DLG4: variants seen among roughly 807,000 people sequenced by gnomAD.
The protein encoded by DLG4 is disks large homolog 4.
A neutral mutation model predicts 93.8 loss-of-function variants in DLG4; 7 were observed. The ratio of observed to expected loss-of-function variants is 0.07; its 90% confidence interval spans 0.04 to 0.14. The LOEUF (loss-of-function observed/expected upper bound fraction) is 0.14. Ranked by LOEUF, DLG4 falls within the 10% of genes least tolerant of loss-of-function variation. The pLI, the probability that DLG4 is intolerant of heterozygous loss-of-function variation, is 1.00. For synonymous variants in DLG4, 341 were observed against 387.6 expected, an observed-to-expected ratio of 0.88 and a Z score of 1.41; for missense variants, 545 against 992.9, an observed-to-expected ratio of 0.55 and a Z score of 6.06.
In DLG4 at chr17:7,196,203, C is replaced by T. The variant is rs374622128; in HGVS notation, c.1301+17G>A. 6.9e-6 allele frequency: 11 copies of T among 1,602,114 alleles called. No homozygotes were observed. In the African/African-American group the frequency reaches 1.5e-4, roughly 21 times the overall value. On this transcript the variant is annotated intron_variant, in intron 11 of 19. Coordinates refer to ENST00000399506, the MANE Select transcript of DLG4 (RefSeq NM_001321075.3). The surrounding 1 kb of genome is among the most constrained non-coding windows in gnomAD (Gnocchi z 8.3). ...AACGCAGAGGGGCTGAGGAGTCCAG[C>T]CCGGGAAGCCTCTGACCTGATGTAG...
chr17:7,188,426 C>A lies in DLG4; in HGVS notation c.*2282G>T, dbSNP rs1186528568. Among the ~76,000 whole-genome samples the A allele has an allele frequency of 1.3e-5, 2 of 152,130 alleles. No individual in the cohort carries two copies. Among genetic ancestry groups the A allele is most frequent in the African/African-American group, 4.8e-5 (2 of 41,428 alleles). The stretch of plus-strand genomic sequence containing the variant: ...GATTTAACCACCATAACTCTTAGGG[C>A]CCTCTGCCTCAGCCTTACCCACTGG... On this transcript the variant is annotated 3_prime_UTR_variant, in exon 20 of 20. Coordinates refer to ENST00000399506, the MANE Select transcript of DLG4 (RefSeq NM_001321075.3).
At chr17:7,200,890 C>T (rs1194961203) in intron 8 of DLG4, among the ~76,000 whole-genome samples, 14 of 109,652 alleles carry the variant, frequency 1.3e-4, no homozygotes, top group African/African-American at 3.2e-4. Flanking sequence ...GATGGAGTCT[C>T]GCTCTATCGC....
In DLG4 at chr17:7,203,295, G is replaced by A. The variant is rs2070255992; in HGVS notation, c.540C>T (p.Asn180=). 8 of 1,607,878 alleles carry A rather than the reference G, an allele frequency of 5.0e-6. No individual in the cohort carries two copies. The highest frequency in any genetic ancestry group is 1.7e-6 in the Non-Finnish European group (2 of 1,175,028). The change falls in exon 7 of 20, where the codon AAC becomes AAT. Residue 180 remains asparagine (N), a synonymous_variant. Coordinates refer to ENST00000399506, the MANE Select transcript of DLG4 (RefSeq NM_001321075.3). The surrounding 1 kb of genome is among the most constrained non-coding windows in gnomAD (Gnocchi z 7.2). The part of the protein sequence containing the change: ...LGFSIAGGVG[N]QHIPGDNSIY... Reference sequence around the variant, plus strand: ...TGCTATTATCTCCTGGGATGTGCTGGTTCCCTACGCCCCCTGCGATGCTGA... The same window carrying A: ...TGCTATTATCTCCTGGGATGTGCTGATTCCCTACGCCCCCTGCGATGCTGA...
chr17:7,204,465 A>G, intron 2 of DLG4: 1 of 532,668 alleles, frequency 1.9e-6, no homozygotes. Flanking sequence ...ACAGATGCAC[A>G]CGCGCAAGGA....
chr17:7,205,441 C>G, intron 2 of DLG4, among the ~76,000 whole-genome samples: 1 of 152,126 alleles, frequency 6.6e-6, no homozygotes, highest in South Asian at 2.1e-4. Flanking sequence ...CTACTTCCTC[C>G]TTAAAGAAAC....
rs760434391 is a variant in DLG4, at chr17:7,193,146, G to A, written c.1694-29C>T. On this transcript the variant is annotated intron_variant, in intron 16 of 19. Transcript: ENST00000399506. The surrounding 1 kb of genome is among the most constrained non-coding windows in gnomAD (Gnocchi z 6.7). Reference sequence around the variant, plus strand: ...CCAGGAAGTCACCCCACCCCCCAAAGATCTAACCACCATCCCTCTAGCTTA... The same window carrying A: ...CCAGGAAGTCACCCCACCCCCCAAAAATCTAACCACCATCCCTCTAGCTTA... 1 of 1,611,998 alleles carries A rather than the reference G, an allele frequency of 6.2e-7. No homozygotes were observed. The highest frequency in any genetic ancestry group is 8.5e-7 in the Non-Finnish European group (1 of 1,178,726).
chr17:7,193,465 C>T lies in DLG4; in HGVS notation c.1693+18G>A. On this transcript the variant is annotated intron_variant, in intron 16 of 19. Transcript: ENST00000399506. The surrounding 1 kb of genome is among the most constrained non-coding windows in gnomAD (Gnocchi z 6.7). ...CCCCACTTCCACCTTCTCCTCCATC[C>T]AAGGCCCCAGCACTCACGGGGAACA... The T allele has an allele frequency of 6.6e-7, 1 of 1,521,388 alleles. No individual in the cohort carries two copies. The highest frequency in any genetic ancestry group is 8.8e-7 in the Non-Finnish European group (1 of 1,139,436). 94.2% of individuals were successfully genotyped at this position (1,521,388 alleles called of 1,614,324 possible).
intron 17 of DLG4, 151 bp downstream of exon 17, chr17:7,192,794 G>C: frequency 1.2e-6 from 1 of 840,992 alleles, no homozygotes. Context: ...CAGTCAGACA[G>C]AGTTGCCCAA....
At chr17:7,219,704 T>A, upstream of DLG4, 1 of 1,396,416 alleles carries the variant, frequency 7.2e-7, no homozygotes, top group Non-Finnish European at 9.3e-7. Context: ...TTCTGTCCCA[T>A]CCTATCCCAT....
chr17:7,193,136 A>C lies in DLG4; in HGVS notation c.1694-19T>G. The C allele has an allele frequency of 6.2e-7, 1 of 1,611,866 alleles. No individual in the cohort carries two copies. The highest frequency in any genetic ancestry group is 8.5e-7 in the Non-Finnish European group (1 of 1,178,834). On this transcript the variant is annotated intron_variant, in intron 16 of 19. Coordinates refer to ENST00000399506, the MANE Select transcript of DLG4 (RefSeq NM_001321075.3). The surrounding 1 kb of genome is among the most constrained non-coding windows in gnomAD (Gnocchi z 6.7). ...GTCGTATCTGCCAGGAAGTCACCCC[A>C]CCCCCCAAAGATCTAACCACCATCC...
rs547115627 is a variant in DLG4, at chr17:7,206,174, T to C, written c.97-1922A>G. On this transcript the variant is annotated intron_variant, in intron 2 of 19. Transcript: ENST00000399506. The stretch of plus-strand genomic sequence containing the variant: ...GTGTGATCATAGCTCACTGCGGCCT[T>C]GAACTCCTGGGCTCAAGCAGTCCTC... Among the ~76,000 whole-genome samples, 18 of 152,014 alleles carry C rather than the reference T, an allele frequency of 1.2e-4. No homozygotes were observed. The South Asian group carries it at 2.3e-3, about 19-fold the overall frequency.
chr17:7,190,963 C>CTTT (rs35868661), intron 19 of DLG4, 149 bp from the exon 20 acceptor site: 3,471 of 343,280 alleles, frequency 0.01, no homozygotes, highest in South Asian at 0.021. Context: ...AGGGGCACCT[C>CTTT]TTTTTTTTTT....
chr17:7,219,814 A>C, upstream of DLG4: 1 of 1,529,872 alleles, frequency 6.5e-7, no homozygotes, highest in South Asian at 1.2e-5. Context: ...AGCGGAACGC[A>C]GGGCCGGGCT....
chr17:7,218,433 T>C (rs540887087), upstream of DLG4: 467 of 1,384,542 alleles, frequency 3.4e-4, 4 homozygotes, highest in South Asian at 2.8e-3. Context: ...GGCAGGACCC[T>C]GCATGGTGCT....
intron 1 of DLG4, chr17:7,211,722 G>A: frequency 2.7e-6 from 2 of 742,524 alleles, no homozygotes; most frequent in South Asian, 6.2e-5. Context: ...GGGGACTGAG[G>A]GAAGGGGGTA....
At chr17:7,219,300 C>T, upstream of DLG4, 2 of 737,004 alleles carry the variant, frequency 2.7e-6, no homozygotes, top group African/African-American at 1.9e-5. Flanking sequence ...TCTGCCTGGG[C>T]ACATGGTCTC....
chr17:7,191,182 C>A lies in DLG4; in HGVS notation c.2068+85G>T. ...GCCCACAGGGGCACCTCTTTCTAAGCCATCCACTGGGGGTGGCGGGGGAGC... is the reference window on the plus strand; with the variant it reads ...GCCCACAGGGGCACCTCTTTCTAAGACATCCACTGGGGGTGGCGGGGGAGC... On this transcript the variant is annotated intron_variant, in intron 19 of 19. Coordinates refer to ENST00000399506, the MANE Select transcript of DLG4 (RefSeq NM_001321075.3). This position sits in a 1 kb window ranked among gnomAD's most constrained non-coding sequence, Gnocchi z 6.6. The A allele has an allele frequency of 7.4e-7, 1 of 1,342,698 alleles. No individual in the cohort carries two copies. The highest frequency in any genetic ancestry group is 1.1e-6 in the Non-Finnish European group (1 of 945,706). The allele number at this position is 1,342,698 out of a possible 1,614,324, so 83.2% of individuals were successfully genotyped here. A position where few individuals can be genotyped will look rare whatever the true frequency, so the allele number is the denominator to read the frequency against.
intron 8 of DLG4, among the ~76,000 whole-genome samples, chr17:7,200,316 T>C (rs1366318012): frequency 6.6e-6 from 1 of 152,190 alleles, no homozygotes; most frequent in Non-Finnish European, 1.5e-5. Flanking sequence ...AGTTTTTCCA[T>C]CCAGAGACAC....
chr17:7,219,998 G>A, upstream of DLG4: 5 of 1,603,552 alleles, frequency 3.1e-6, no homozygotes, highest in Non-Finnish European at 4.2e-6. Flanking sequence ...CAGGCGGCTC[G>A]GATGGCCGCG....
Sources: gnomAD v4.1 joint callset for allele counts (sites outside exome capture counted in the v4.1 genomes callset) on GRCh38, gnomAD v4.1.1 for gene constraint, Gnocchi (gnomAD v3.1) non-coding constraint, MANE v1.5 for transcripts, NCBI Gene and HGNC (gene_info 2026-07-23, HGNC 2026-07-21) for gene names.